SLC10A7: variants seen among roughly 807,000 people sequenced by gnomAD.
SLC10A7 encodes sodium/bile acid cotransporter 7.
Under a neutral mutation model 43.2 loss-of-function variants are expected in SLC10A7, and 29 were observed. The observed-to-expected ratio is 0.67, with a 90% CI of 0.50 to 0.92. The LOEUF (loss-of-function observed/expected upper bound fraction) is 0.92. SLC10A7 is among the 40% of genes least tolerant of loss of function. SLC10A7 has a pLI of 0.00. For missense variants in SLC10A7, 295 were observed against 403.2 expected, an observed-to-expected ratio of 0.73 and a Z score of 2.30; for synonymous variants, 152 against 144.8, an observed-to-expected ratio of 1.05 and a Z score of -0.35.
At chr4:146,367,887 T>C (rs939959616) in intron 5 of SLC10A7, among the ~76,000 whole-genome samples, 2 of 152,182 alleles carry the variant, frequency 1.3e-5, no homozygotes, top group African/African-American at 4.8e-5. Context: ...GAATAGTTGA[T>C]AACAAATGAG....
intron 4 of SLC10A7, among the ~76,000 whole-genome samples, chr4:146,482,482 T>A (rs867861965): frequency 1.3e-5 from 2 of 149,670 alleles, no homozygotes; most frequent in Non-Finnish European, 3.0e-5. Context: ...AAATAAAAAA[T>A]GAAATATAGA....
At chr4:146,362,542 G>A (rs1409321368) in intron 5 of SLC10A7, among the ~76,000 whole-genome samples, 1 of 152,028 alleles carries the variant, frequency 6.6e-6, no homozygotes, top group African/African-American at 2.4e-5. Flanking sequence ...TGTTGTAAAT[G>A]TAAGTACACA....
Position 146,521,599 on chromosome 4 carries a change from G to A in SLC10A7, c.100+19C>T, listed in dbSNP as rs1553991600. ...TGAAGTGGGAGCCGCGGTGGAGCCG[G>A]CAGAGGTGCAGCACTTACCCCCATT... On this transcript the variant is annotated intron_variant, in intron 1 of 11. Transcript: ENST00000335472. 11 of 1,597,652 alleles carry A rather than the reference G, an allele frequency of 6.9e-6. No individual in the cohort carries two copies. Among genetic ancestry groups the A allele is most frequent in the East Asian group, 4.5e-5 (2 of 44,694 alleles).
chr4:146,325,844 A>T (rs530087788), intron 6 of SLC10A7, 117 bp downstream of exon 6: 3 of 919,138 alleles, frequency 3.3e-6, no homozygotes, highest in Non-Finnish European at 5.1e-6. Context: ...AACTGGAACA[A>T]CAATTCCAAA....
chr4:146,401,505 C>T (rs185391927), intron 5 of SLC10A7, among the ~76,000 whole-genome samples: 35 of 152,154 alleles, frequency 2.3e-4, no homozygotes, highest in East Asian at 3.9e-4. Context: ...TGGTGAGAGA[C>T]GGAATAAAGA....
chr4:146,480,121 A>T (rs1734344753), intron 4 of SLC10A7, among the ~76,000 whole-genome samples: 1 of 152,096 alleles, frequency 6.6e-6, no homozygotes, highest in Non-Finnish European at 1.5e-5. Flanking sequence ...AAGGTTAGAA[A>T]ATTCAAAACA....
intron 6 of SLC10A7, among the ~76,000 whole-genome samples, chr4:146,324,777 A>G (rs1732988947): frequency 1.3e-5 from 2 of 152,124 alleles, no homozygotes; most frequent in Admixed American, 6.6e-5. Flanking sequence ...ATTAATGCAA[A>G]TAGTCTCTTT....
intron 4 of SLC10A7, among the ~76,000 whole-genome samples, chr4:146,475,491 G>A (rs565522689): frequency 6.6e-6 from 1 of 152,202 alleles, no homozygotes; most frequent in South Asian, 2.1e-4. Context: ...GATCATTTTT[G>A]TTCCCCAAAC....
At chr4:146,410,920 G>A (rs1392997152) in intron 5 of SLC10A7, among the ~76,000 whole-genome samples, 1 of 151,872 alleles carries the variant, frequency 6.6e-6, no homozygotes, top group African/African-American at 2.4e-5. Context: ...TGCAACCTCC[G>A]CCTCTCCAGT....
Position 146,265,064 on chromosome 4 carries a change from G to C in SLC10A7, c.848-6227C>G, listed in dbSNP as rs952784813. 3.9e-5 allele frequency among the ~76,000 whole-genome samples: 6 copies of C among 152,020 alleles called. No homozygotes were observed. The South Asian group carries it at 8.3e-4, about 21-fold the overall frequency. Reference sequence around the variant, plus strand: ...CATTCATCAAATCCTCTACTTATTCGACTTCAGTAAAAAACAATCATTACT... The same window carrying C: ...CATTCATCAAATCCTCTACTTATTCCACTTCAGTAAAAAACAATCATTACT... On this transcript the variant is annotated intron_variant, in intron 10 of 11. Transcript: ENST00000335472.
chr4:146,445,914 T>C (rs1371763905), intron 4 of SLC10A7, among the ~76,000 whole-genome samples: 1 of 151,016 alleles, frequency 6.6e-6, no homozygotes, highest in Non-Finnish European at 1.5e-5. Flanking sequence ...TGTGTGTGTG[T>C]GCACGTGCGC....
At chr4:146,400,419 G>A (rs908386914) in intron 5 of SLC10A7, among the ~76,000 whole-genome samples, 3 of 152,090 alleles carry the variant, frequency 2.0e-5, no homozygotes, top group African/African-American at 4.8e-5. Flanking sequence ...AGGGGTACTC[G>A]GGCGGTGTTA....
chr4:146,463,711 A>G (rs190785373), intron 4 of SLC10A7, among the ~76,000 whole-genome samples: 84 of 152,074 alleles, frequency 5.5e-4, no homozygotes, highest in Non-Finnish European at 1.0e-3. Context: ...ACTGTACTCC[A>G]CCCTGGGTGA....
intron 5 of SLC10A7, among the ~76,000 whole-genome samples, chr4:146,390,546 C>T (rs1019514934): frequency 1.3e-5 from 2 of 152,152 alleles, no homozygotes; most frequent in Non-Finnish European, 2.9e-5. Flanking sequence ...AGGAGGATCA[C>T]TTGAGCCTTG....
chr4:146,366,886 C>T (rs1451374016), intron 5 of SLC10A7, among the ~76,000 whole-genome samples: 3 of 152,132 alleles, frequency 2.0e-5, no homozygotes, highest in Non-Finnish European at 1.5e-5. Context: ...AAAAATTATT[C>T]TGAGTTTTCT....
intron 5 of SLC10A7, among the ~76,000 whole-genome samples, chr4:146,327,514 G>A (rs1331822350): frequency 6.6e-6 from 1 of 152,066 alleles, no homozygotes; most frequent in Non-Finnish European, 1.5e-5. Flanking sequence ...ATTTTACAGG[G>A]CCACATAAAA....
chr4:146,506,436 C>T (rs531720464), intron 3 of SLC10A7, among the ~76,000 whole-genome samples: 1 of 152,222 alleles, frequency 6.6e-6, no homozygotes, highest in East Asian at 1.9e-4. Flanking sequence ...GTGGTGCTGC[C>T]TCCTCAAGAT....
intron 5 of SLC10A7, among the ~76,000 whole-genome samples, chr4:146,436,120 C>T (rs892577647): frequency 2.0e-5 from 3 of 151,916 alleles, no homozygotes; most frequent in Non-Finnish European, 4.4e-5. Context: ...TTGTAAGTTG[C>T]TGGTCATTCC....
chr4:146,521,296 C>T (rs1051030585), intron 1 of SLC10A7, among the ~76,000 whole-genome samples: 1 of 151,866 alleles, frequency 6.6e-6, no homozygotes. Context: ...CTCTTAGCAA[C>T]CTAGATTCCC....
Sources: gnomAD v4.1 joint callset for allele counts (sites outside exome capture counted in the v4.1 genomes callset) on GRCh38, gnomAD v4.1.1 for gene constraint, MANE v1.5 for transcripts, NCBI Gene and HGNC (gene_info 2026-07-23, HGNC 2026-07-21) for gene names.